The following ZNF618 variants were observed in gnomAD, a reference collection of about 807,000 sequenced individuals.
ZNF618 encodes the protein zinc finger protein 618, also known as neural precursor cell expressed, developmentally down-regulated 10.
In ZNF618, 34 loss-of-function variants were observed where a neutral mutation model predicts 103.0. That is an observed-to-expected ratio of 0.33 (90% CI 0.25 to 0.44). The LOEUF is 0.44. Ranked by LOEUF, ZNF618 falls within the 20% of genes least tolerant of loss-of-function variation. ZNF618 has a pLI of 1.00. For missense variants in ZNF618, 1,059 were observed against 1,295.4 expected, an observed-to-expected ratio of 0.82 and a Z score of 2.80; for synonymous variants, 551 against 542.2, an observed-to-expected ratio of 1.02 and a Z score of -0.23.
chr9:113,949,529 C>T (rs1161666831), intron 1 of ZNF618, among the ~76,000 whole-genome samples: 1 of 152,218 alleles, frequency 6.6e-6, no homozygotes, highest in East Asian at 1.9e-4. Flanking sequence ...AAGGTGCTCA[C>T]TACCTCAGTC....
intron 1 of ZNF618, among the ~76,000 whole-genome samples, chr9:113,927,251 A>C (rs965609053): frequency 1.3e-5 from 2 of 152,174 alleles, no homozygotes; most frequent in Non-Finnish European, 2.9e-5. Context: ...ATAGGCCTTT[A>C]GTGTGAGGTT....
In ZNF618 at chr9:113,938,775, G is replaced by A. The variant is rs111253581; in HGVS notation, c.34-30342G>A. 6.4e-3 allele frequency among the ~76,000 whole-genome samples: 969 copies of A among 151,948 alleles called. 10 individuals are homozygous for A. The highest frequency in any genetic ancestry group is 0.022 in the African/African-American group (932 of 41,432). ...AGTAGAGACGGGGTTTCATCATGTT[G>A]GCCAGGCTGGTCTTGAACTCCTGAC... is the stretch of plus-strand genomic sequence containing the variant. On this transcript the variant is annotated intron_variant, in intron 1 of 14. Transcript: ENST00000374126.
At chr9:113,886,250 C>G (rs1353650935) in intron 1 of ZNF618, among the ~76,000 whole-genome samples, 1 of 152,200 alleles carries the variant, frequency 6.6e-6, no homozygotes, top group Non-Finnish European at 1.5e-5. Context: ...AGGAGCTAGC[C>G]ATTCTTACCT....
chr9:114,050,703 C>CG lies in ZNF618; in HGVS notation c.*538dup, dbSNP rs199599508. On this transcript the variant is annotated 3_prime_UTR_variant, in exon 15 of 15. Coordinates refer to ENST00000374126, the MANE Select transcript of ZNF618 (RefSeq NM_001318042.2). ...ACTTGACGCTCTCTGTCCTTCACCC[C>CG]GGTCCTCCTTTTCCCTCTTTGACCC... 0.027 allele frequency: 4,142 copies of CG among 153,322 alleles called. 112 individuals are homozygous for CG. Among genetic ancestry groups the CG allele is most frequent in the African/African-American group, 0.078 (3,218 of 41,514 alleles). 9.5% of individuals were successfully genotyped at this position (153,322 alleles called of 1,614,324 possible). A position where few individuals can be genotyped will look rare whatever the true frequency, so the allele number is the denominator to read the frequency against.
chr9:113,886,968 CTACTTTTTTTT>C (rs1829124753), intron 1 of ZNF618, among the ~76,000 whole-genome samples: 1 of 102,578 alleles, frequency 9.7e-6, no homozygotes, highest in African/African-American at 3.7e-5. Context: ...TTTTTACTTT[CTACTTTTTTTT>C]TTTTTTTTTT....
chr9:113,888,504 G>T (rs767565311), intron 1 of ZNF618, among the ~76,000 whole-genome samples: 2 of 152,256 alleles, frequency 1.3e-5, no homozygotes, highest in Non-Finnish European at 2.9e-5. Context: ...TGGAATCGGG[G>T]CCTCCCGGAT....
chr9:114,045,587 C>T (rs758578240), intron 13 of ZNF618, among the ~76,000 whole-genome samples: 3 of 151,948 alleles, frequency 2.0e-5, no homozygotes, highest in Non-Finnish European at 4.4e-5. Flanking sequence ...TATGTCCGTC[C>T]TGTGCCAGTA....
chr9:113,996,792 T>TG (rs1221798635), intron 3 of ZNF618, among the ~76,000 whole-genome samples: 5 of 152,056 alleles, frequency 3.3e-5, no homozygotes, highest in Admixed American at 1.3e-4. Context: ...CCAGACATAG[T>TG]GGGGGGCTCT....
Position 113,968,158 on chromosome 9 carries a change from A to G in ZNF618, c.34-959A>G, listed in dbSNP as rs1269757765. Among the ~76,000 whole-genome samples the G allele has an allele frequency of 2.0e-5, 3 of 152,172 alleles. No homozygotes were observed. In the East Asian group the frequency reaches 5.8e-4, roughly 29 times the overall value. Reference sequence around the variant, plus strand: ...GGAGAAAAGGCTAGTGACAGTCCTCATTGTTGTTTTGTTGACGTTTATCCT... The same window carrying G: ...GGAGAAAAGGCTAGTGACAGTCCTCGTTGTTGTTTTGTTGACGTTTATCCT... On this transcript the variant is annotated intron_variant, in intron 1 of 14. Transcript: ENST00000374126.
At chr9:113,943,138 A>G (rs758641382) in intron 1 of ZNF618, among the ~76,000 whole-genome samples, 2 of 152,132 alleles carry the variant, frequency 1.3e-5, no homozygotes, top group African/African-American at 2.4e-5. Flanking sequence ...TACAGAGCAA[A>G]TGTTTTTGAG....
intron 2 of ZNF618, among the ~76,000 whole-genome samples, chr9:113,973,473 G>C (rs955928467): frequency 6.6e-6 from 1 of 152,190 alleles, no homozygotes; most frequent in Admixed American, 6.5e-5. Context: ...GTTAAATTGA[G>C]GGGGACAAGG....
chr9:113,876,873 T>G (rs1342177004), intron 1 of ZNF618, among the ~76,000 whole-genome samples: 1 of 146,418 alleles, frequency 6.8e-6, no homozygotes, highest in Non-Finnish European at 1.5e-5. Flanking sequence ...TGCAACAATC[T>G]TTTTTTTTAG....
rs555476831 is a variant in ZNF618, at chr9:114,025,534, T to G, written c.845-3199T>G. Among the ~76,000 whole-genome samples, 7 of 152,362 alleles carry G rather than the reference T, an allele frequency of 4.6e-5. No homozygotes were observed. In the East Asian group the frequency reaches 1.4e-3, roughly 29 times the overall value. Reference sequence around the variant, plus strand: ...AAGTCAGCCAGTCTGTCTGAGACTCTTTCATGCTTTCTCAGGAAGAGCTCA... The same window carrying G: ...AAGTCAGCCAGTCTGTCTGAGACTCGTTCATGCTTTCTCAGGAAGAGCTCA... On this transcript the variant is annotated intron_variant, in intron 10 of 14. Transcript: ENST00000374126.
At chr9:113,879,348 A>G (rs1218216817) in intron 1 of ZNF618, among the ~76,000 whole-genome samples, 1 of 149,336 alleles carries the variant, frequency 6.7e-6, no homozygotes, top group Non-Finnish European at 1.5e-5. Context: ...CTATGGCTAG[A>G]AGTTGAAAAT....
chr9:114,013,855 T>C (rs1842449291), intron 9 of ZNF618, among the ~76,000 whole-genome samples: 2 of 152,178 alleles, frequency 1.3e-5, no homozygotes, highest in African/African-American at 2.4e-5. Flanking sequence ...TTATTAGAAA[T>C]GTATATTCTT....
At chr9:114,015,497 T>C (rs1303762162) in intron 9 of ZNF618, among the ~76,000 whole-genome samples, 1 of 152,246 alleles carries the variant, frequency 6.6e-6, no homozygotes, top group Non-Finnish European at 1.5e-5. Context: ...GGCTGTAGTA[T>C]GCATAAACAG....
chr9:113,934,371 C>T (rs1333497404), intron 1 of ZNF618, among the ~76,000 whole-genome samples: 2 of 152,144 alleles, frequency 1.3e-5, no homozygotes, highest in Non-Finnish European at 1.5e-5. Flanking sequence ...AGGTCTGCCA[C>T]CCACTGGTTG....
At chr9:113,987,907 T>TC (rs202147786) in intron 2 of ZNF618, among the ~76,000 whole-genome samples, 32 of 94,938 alleles carry the variant, frequency 3.4e-4, no homozygotes, top group African/African-American at 1.0e-3. Context: ...TTTTTCAAGA[T>TC]CCCCCCCAGC....
At chr9:113,933,632 G>C (rs1371892810) in intron 1 of ZNF618, among the ~76,000 whole-genome samples, 2 of 152,146 alleles carry the variant, frequency 1.3e-5, no homozygotes, top group African/African-American at 4.8e-5. Context: ...TTGTTGGGCT[G>C]TACTAAGGGC....
Sources: gnomAD v4.1 joint callset for allele counts (sites outside exome capture counted in the v4.1 genomes callset) on GRCh38, gnomAD v4.1.1 for gene constraint, MANE v1.5 for transcripts, NCBI Gene and HGNC (gene_info 2026-07-23, HGNC 2026-07-21) for gene names.